DMD: variants seen among roughly 807,000 people sequenced by gnomAD.
DMD encodes the protein mutant dystrophin.
DMD carries 63 observed loss-of-function variants against 330.1 expected under a neutral mutation model. The ratio of observed to expected loss-of-function variants is 0.19; its 90% CI spans 0.16 to 0.24. The LOEUF (loss-of-function observed/expected upper bound fraction) is 0.24, where lower values mean the gene tolerates loss of function less well. Among genes scored for constraint, DMD ranks in the 10% least tolerant of loss-of-function variants. The pLI, the probability that DMD is intolerant of heterozygous loss-of-function variation, is 1.00. For synonymous variants in DMD, 1,223 were observed against 959.8 expected (o/e 1.27, Z -5.07); for missense variants, 3,344 against 2,684.1 (o/e 1.25, Z -5.43).
intron 55 of DMD, among the ~76,000 whole-genome samples, chrX:31,552,691 A>C (rs1054022382): frequency 4.5e-5 from 5 of 112,033 alleles, no homozygotes; most frequent in African/African-American, 1.3e-4. Flanking sequence ...ATCAGAGCAC[A>C]TAATGAGCTT....
In DMD at chrX:32,399,795, C is replaced by A. The variant is rs778452550; in HGVS notation, c.4234-9614G>T. ...ATATCTGTACTCCCGTGTTTTATTG[C>A]GGCACTGTTCACAAAAGTCAAGATT... On this transcript the variant is annotated intron_variant, in intron 30 of 78. Coordinates refer to ENST00000357033, the MANE Select transcript of DMD (RefSeq NM_004006.3). Among the ~76,000 whole-genome samples the A allele has an allele frequency of 1.3e-3, 142 of 111,696 alleles. 1 individual carries two copies. The highest frequency in any genetic ancestry group is 4.5e-3 in the African/African-American group (139 of 30,772).
At chrX:32,344,168 T>C (rs2097756712) in intron 39 of DMD, among the ~76,000 whole-genome samples, 1 of 112,165 alleles carries the variant, frequency 8.9e-6, no homozygotes, top group South Asian at 3.7e-4. Context: ...CATGGGAACA[T>C]AAGCTCTGCA....
intron 13 of DMD, among the ~76,000 whole-genome samples, chrX:32,587,191 C>G (rs1409877485): frequency 8.9e-6 from 1 of 111,923 alleles, no homozygotes; most frequent in African/African-American, 3.2e-5. Flanking sequence ...ACTTTATCGT[C>G]TTTCTGAACA....
chrX:32,096,055 T>C (rs2096503988), intron 44 of DMD, among the ~76,000 whole-genome samples: 1 of 111,972 alleles, frequency 8.9e-6, no homozygotes, highest in Non-Finnish European at 1.9e-5. Flanking sequence ...AGGCATGATA[T>C]CTTAGCCATC....
chrX:32,528,315 G>GAA (rs111560517), intron 17 of DMD, among the ~76,000 whole-genome samples: 1 of 107,709 alleles, frequency 9.3e-6, no homozygotes, highest in Admixed American at 9.9e-5. Context: ...TCTCAAAAAA[G>GAA]AAAAAAAAAT....
intron 50 of DMD, among the ~76,000 whole-genome samples, chrX:31,792,975 G>A (rs898362550): frequency 9.0e-6 from 1 of 111,387 alleles, no homozygotes; most frequent in African/African-American, 3.3e-5. Context: ...ACAAATTGAA[G>A]GATTGTAAAT....
intron 57 of DMD, 51 bp from the exon 58 acceptor site, chrX:31,479,154 C>A (rs2149257750): frequency 8.4e-7 from 1 of 1,192,927 alleles, no homozygotes; most frequent in Non-Finnish European, 1.1e-6. Flanking sequence ...GCATTCTTCT[C>A]AAAATTAATC....
Position 32,665,085 on chromosome X carries a change from C to T in DMD, c.961-19933G>A, listed in dbSNP as rs187502739. 5.2e-4 allele frequency among the ~76,000 whole-genome samples: 58 copies of T among 112,274 alleles called. 1 individual carries two copies. In the East Asian group the frequency reaches 0.015, roughly 29 times the overall value. ...TTTAGGTAGTACATATAAGGAATCT[C>T]ACATTGTGGCTAGCATACTGTAAAA... On this transcript the variant is annotated intron_variant, in intron 9 of 78. Coordinates refer to ENST00000357033, the MANE Select transcript of DMD (RefSeq NM_004006.3).
chrX:32,054,118 AGAGAGAGAGAGAGAGAG>A (rs1046187230), intron 44 of DMD, among the ~76,000 whole-genome samples: 1 of 106,154 alleles, frequency 9.4e-6, no homozygotes, highest in African/African-American at 3.4e-5. Context: ...AGAGAGAGAG[AGAGAGAGAGAGAGAGAG>A]AAGAGGACTG....
intron 1 of DMD, among the ~76,000 whole-genome samples, chrX:33,024,041 A>T (rs896379299): frequency 9.0e-6 from 1 of 111,631 alleles, no homozygotes; most frequent in African/African-American, 3.2e-5. Flanking sequence ...TTAAAAGTTG[A>T]CTATTTTAAG....
chrX:32,034,103 A>G (rs953009123), intron 44 of DMD, among the ~76,000 whole-genome samples: 4 of 111,986 alleles, frequency 3.6e-5, no homozygotes, highest in African/African-American at 1.3e-4. Flanking sequence ...AACACAAGTT[A>G]TAAGTTACGA....
intron 2 of DMD, among the ~76,000 whole-genome samples, chrX:32,983,290 C>A (rs1259833845): frequency 9.0e-6 from 1 of 111,411 alleles, no homozygotes; most frequent in Non-Finnish European, 1.9e-5. Context: ...TCATCAAATT[C>A]ATCATTCATC....
intron 2 of DMD, among the ~76,000 whole-genome samples, chrX:32,885,361 T>C (rs1219607805): frequency 3.6e-5 from 4 of 111,649 alleles, no homozygotes; most frequent in Non-Finnish European, 7.5e-5. Flanking sequence ...GAAAGGTAAG[T>C]TTATGACTTT....
intron 51 of DMD, among the ~76,000 whole-genome samples, chrX:31,753,454 A>G (rs12851080): frequency 8.9e-6 from 1 of 111,907 alleles, no homozygotes; most frequent in Non-Finnish European, 1.9e-5. Context: ...TCTTCTCTAT[A>G]CAAGTTATGA....
At chrX:33,116,402 G>A (rs140572476) in intron 1 of DMD, among the ~76,000 whole-genome samples, 298 of 110,128 alleles carry the variant, frequency 2.7e-3, no homozygotes, top group African/African-American at 9.0e-3. Flanking sequence ...CCAGCTACTC[G>A]GGAGGCTGAG....
chrX:32,693,493 T>G (rs2063432378), intron 9 of DMD, among the ~76,000 whole-genome samples: 1 of 111,616 alleles, frequency 9.0e-6, no homozygotes, highest in South Asian at 3.7e-4. Flanking sequence ...CAGGCTGGAG[T>G]GCAGTGGCCG....
intron 54 of DMD, among the ~76,000 whole-genome samples, chrX:31,641,758 G>A (rs1489165951): frequency 9.0e-6 from 1 of 111,419 alleles, no homozygotes; most frequent in East Asian, 2.8e-4. Flanking sequence ...CATACATTTG[G>A]GAATTAGAAT....
chrX:32,402,831 A>C, intron 30 of DMD, among the ~76,000 whole-genome samples: 1 of 111,688 alleles, frequency 9.0e-6, no homozygotes, highest in Non-Finnish European at 1.9e-5. Context: ...ATGGTTCTTC[A>C]CTATTATGGT....
chrX:32,751,099 A>C (rs1291881150), intron 7 of DMD, among the ~76,000 whole-genome samples: 1 of 111,666 alleles, frequency 9.0e-6, no homozygotes, highest in Non-Finnish European at 1.9e-5. Flanking sequence ...AGCAGTATAA[A>C]AACAAATTAA....
Sources: allele counts gnomAD v4.1 joint callset (sites outside exome capture counted in the v4.1 genomes callset), GRCh38; gene constraint gnomAD v4.1.1; transcripts MANE v1.5; gene names NCBI Gene and HGNC (gene_info 2026-07-23, HGNC 2026-07-21).